Variants in CREB3L2 observed in about 807,000 individuals in gnomAD.
CREB3L2 encodes cAMP responsive element binding protein 3 like 2.
In CREB3L2, 23 loss-of-function variants were observed where a neutral mutation model predicts 57.2. That is an observed-to-expected ratio of 0.40 (90% CI 0.29 to 0.57). The LOEUF is 0.57. Among genes scored for constraint, CREB3L2 ranks in the 20% least tolerant of loss-of-function variants. The pLI is 0.42. For synonymous variants in CREB3L2, 268 were observed against 265.1 expected (o/e 1.01, Z -0.11); for missense variants, 628 against 634.7 (o/e 0.99, Z 0.11).
chr7:137,887,768 T>C (rs1368114349), intron 8 of CREB3L2, among the ~76,000 whole-genome samples: 1 of 152,102 alleles, frequency 6.6e-6, no homozygotes, highest in Admixed American at 6.5e-5. Context: ...CCAGGTATAG[T>C]GATTTTAATT....
At chr7:137,929,883 A>G (rs1170256939) in intron 1 of CREB3L2, among the ~76,000 whole-genome samples, 1 of 148,616 alleles carries the variant, frequency 6.7e-6, no homozygotes, top group Non-Finnish European at 1.5e-5. Flanking sequence ...TAAATAAATA[A>G]ATTAATTAAT....
In CREB3L2 at chr7:137,877,479, C is replaced by T. The variant is rs1161574749; in HGVS notation, c.*2997G>A. 1 of 225,278 alleles carries T rather than the reference C, an allele frequency of 4.4e-6. No individual in the cohort carries two copies. Among genetic ancestry groups the T allele is most frequent in the Non-Finnish European group, 8.8e-6 (1 of 113,140 alleles). 14.0% of individuals were successfully genotyped at this position (225,278 alleles called of 1,614,324 possible). Reference sequence around the variant, plus strand: ...CTGCAGCCTTTCATTTACAATATCCCTTTTTAAGTGCAAAGTCGAGGGCTG... The same window carrying T: ...CTGCAGCCTTTCATTTACAATATCCTTTTTTAAGTGCAAAGTCGAGGGCTG... On this transcript the variant is annotated 3_prime_UTR_variant, in exon 12 of 12. Coordinates refer to ENST00000330387, the MANE Select transcript of CREB3L2 (RefSeq NM_194071.4).
At chr7:137,968,930 G>C (rs1198296892) in intron 1 of CREB3L2, among the ~76,000 whole-genome samples, 3 of 152,148 alleles carry the variant, frequency 2.0e-5, no homozygotes, top group Admixed American at 2.0e-4. Flanking sequence ...GGGGCAAAAA[G>C]AAAATGAGGA....
chr7:137,977,063 G>A (rs762816273), intron 1 of CREB3L2, among the ~76,000 whole-genome samples: 1 of 152,118 alleles, frequency 6.6e-6, no homozygotes, highest in Admixed American at 6.5e-5. Flanking sequence ...GGAAATTCAG[G>A]TCTAAAGACA....
At chr7:137,976,486 T>G (rs1682048866) in intron 1 of CREB3L2, among the ~76,000 whole-genome samples, 1 of 152,228 alleles carries the variant, frequency 6.6e-6, no homozygotes, top group African/African-American at 2.4e-5. Context: ...TAATTTAAAA[T>G]ATGCAAATCA....
intron 1 of CREB3L2, among the ~76,000 whole-genome samples, chr7:137,992,819 C>T (rs370815460): frequency 1.3e-5 from 2 of 152,272 alleles, no homozygotes; most frequent in African/African-American, 4.8e-5. Context: ...CCAAATAGTC[C>T]CATGAGGCCC....
intron 1 of CREB3L2, among the ~76,000 whole-genome samples, chr7:137,977,886 A>T (rs941767155): frequency 6.6e-6 from 1 of 151,136 alleles, no homozygotes; most frequent in African/African-American, 2.4e-5. Context: ...ATGCCACTGC[A>T]CTCCAGCCTG....
chr7:137,912,717 A>T (rs1283070684), intron 4 of CREB3L2: 1 of 872,240 alleles, frequency 1.1e-6, no homozygotes, highest in Non-Finnish European at 1.7e-6. Context: ...GTAGCAGTCC[A>T]TAAAAGTTTT....
rs1799240083 is a variant in CREB3L2 at position 137,879,529 on chromosome 7, C to A, written c.*947G>T. 3.9e-6 allele frequency: 1 copy of A among 256,284 alleles called. No individual in the cohort carries two copies. Among genetic ancestry groups the A allele is most frequent in the Non-Finnish European group, 7.6e-6 (1 of 131,906 alleles). The allele number at this position is 256,284 out of a possible 1,614,324, so 15.9% of individuals were successfully genotyped here. A position where few individuals can be genotyped will look rare whatever the true frequency, so the allele number is the denominator to read the frequency against. On this transcript the variant is annotated 3_prime_UTR_variant, in exon 12 of 12. Coordinates refer to ENST00000330387, the MANE Select transcript of CREB3L2 (RefSeq NM_194071.4). ...AGCTCATCCTAGAGGCAGACACATA[C>A]ATGCTCAAAGGAACTTCTTTTTCAA... is the stretch of plus-strand genomic sequence containing the variant.
intron 2 of CREB3L2, among the ~76,000 whole-genome samples, chr7:137,927,310 G>A (rs1800491523): frequency 6.7e-6 from 1 of 148,786 alleles, no homozygotes; most frequent in Non-Finnish European, 1.5e-5. Flanking sequence ...GGGAGGGGAA[G>A]GGAGGCAGGG....
rs532985049 is a variant in CREB3L2 at position 137,981,746 on chromosome 7, C to T, written c.102+19858G>A. Among the ~76,000 whole-genome samples the T allele has an allele frequency of 1.6e-4, 24 of 152,302 alleles. 1 individual carries two copies. Among genetic ancestry groups the T allele is most frequent in the Admixed American group, 1.2e-3 (19 of 15,298 alleles). ...TTGAGTCCGAATCTTGAGAATACTC[C>T]GAAATGCCTTTAATAAGCACAGTGG... On this transcript the variant is annotated intron_variant, in intron 1 of 11. Coordinates refer to ENST00000330387, the MANE Select transcript of CREB3L2 (RefSeq NM_194071.4).
intron 1 of CREB3L2, among the ~76,000 whole-genome samples, chr7:137,961,348 A>G (rs547072878): frequency 6.6e-6 from 1 of 152,312 alleles, no homozygotes; most frequent in African/African-American, 2.4e-5. Flanking sequence ...CTGAATTGAA[A>G]TTGGGGAAGG....
intron 1 of CREB3L2, among the ~76,000 whole-genome samples, chr7:137,930,569 G>A (rs34814437): frequency 0.091 from 13,882 of 152,238 alleles, 933 homozygotes; most frequent in Admixed American, 0.22. Context: ...GAAGAAAAGC[G>A]AACAGCAGAG....
At chr7:137,893,309 A>G (rs1799559490) in intron 8 of CREB3L2, among the ~76,000 whole-genome samples, 1 of 152,256 alleles carries the variant, frequency 6.6e-6, no homozygotes, top group Admixed American at 6.5e-5. Flanking sequence ...TTTAGTACCC[A>G]ATAATCCTTT....
intron 1 of CREB3L2, among the ~76,000 whole-genome samples, chr7:137,948,544 C>T (rs1801041736): frequency 6.6e-6 from 1 of 152,160 alleles, no homozygotes; most frequent in Non-Finnish European, 1.5e-5. Flanking sequence ...TGTTTACTTA[C>T]TTGCAGAAAG....
At chr7:137,933,661 A>T (rs1263124657) in intron 1 of CREB3L2, 1 of 152,218 alleles carries the variant, frequency 6.6e-6, no homozygotes, top group East Asian at 1.9e-4. Context: ...TCAGAAGTCT[A>T]ACTGTGCCTA....
In CREB3L2 at chr7:137,982,917, C is replaced by G. The variant is rs569205696; in HGVS notation, c.102+18687G>C. On this transcript the variant is annotated intron_variant, in intron 1 of 11. Transcript: ENST00000330387. ...AAAAGGAAGAAAGAAGATGCTGTCTCTACCACAGGAGGACATAGTGAGAAG... is the reference window on the plus strand; with the variant it reads ...AAAAGGAAGAAAGAAGATGCTGTCTGTACCACAGGAGGACATAGTGAGAAG... Among the ~76,000 whole-genome samples, 24 of 152,260 alleles carry G rather than the reference C, an allele frequency of 1.6e-4. No homozygotes were observed. The South Asian group carries it at 4.8e-3, about 30-fold the overall frequency.
intron 1 of CREB3L2, among the ~76,000 whole-genome samples, chr7:137,936,263 C>T (rs778856402): frequency 2.6e-5 from 4 of 152,308 alleles, no homozygotes; most frequent in East Asian, 1.9e-4. Context: ...ACTTGCAGAG[C>T]GTGTTCTAAA....
chr7:137,955,322 T>C, intron 1 of CREB3L2: 3 of 1,289,114 alleles, frequency 2.3e-6, no homozygotes, highest in Non-Finnish European at 3.0e-6. Flanking sequence ...TTGAAGCTGG[T>C]CGCATCCTGG....
Sources: gnomAD v4.1 joint callset for allele counts (sites outside exome capture counted in the v4.1 genomes callset) on GRCh38, gnomAD v4.1.1 for gene constraint, MANE v1.5 for transcripts, NCBI Gene and HGNC (gene_info 2026-07-23, HGNC 2026-07-21) for gene names.